COL24A1: variants seen among roughly 807,000 people sequenced by gnomAD.
COL24A1 encodes collagen type XXIV alpha 1 chain.
A neutral mutation model predicts 253.9 loss-of-function variants in COL24A1; 224 were observed. That is an observed-to-expected ratio of 0.88 (90% CI 0.79 to 0.99). The LOEUF is 0.99. COL24A1 is among the 50% of genes least tolerant of loss of function. COL24A1 has a pLI of 0.00. For synonymous variants in COL24A1, 685 were observed against 673.7 expected (o/e 1.02, Z -0.26); for missense variants, 2,131 against 2,068.5 (o/e 1.03, Z -0.59).
At chr1:85,812,089 A>C (rs1198311875) in intron 47 of COL24A1, among the ~76,000 whole-genome samples, 1 of 130,086 alleles carries the variant, frequency 7.7e-6, no homozygotes, top group African/African-American at 2.8e-5. Context: ...CTGGAATGTC[A>C]AATGGCTACG....
At chr1:86,047,975 A>G (rs1390035330) in intron 11 of COL24A1, among the ~76,000 whole-genome samples, 1 of 152,178 alleles carries the variant, frequency 6.6e-6, no homozygotes, top group Non-Finnish European at 1.5e-5. Flanking sequence ...CAGTGTTTAA[A>G]AAATACTCAT....
At chr1:85,950,924 C>G (rs1466357879) in intron 24 of COL24A1, among the ~76,000 whole-genome samples, 2 of 152,188 alleles carry the variant, frequency 1.3e-5, no homozygotes, top group Non-Finnish European at 1.5e-5. Context: ...TGTGCCTTAC[C>G]TACCTCCAGC....
At chr1:85,778,003 A>G (rs999111540) in intron 52 of COL24A1, among the ~76,000 whole-genome samples, 3 of 142,614 alleles carry the variant, frequency 2.1e-5, no homozygotes, top group Non-Finnish European at 4.6e-5. Flanking sequence ...CTCTTGGTAT[A>G]TGTGTGTATA....
chr1:86,001,805 C>T (rs1420762076), intron 19 of COL24A1, among the ~76,000 whole-genome samples: 1 of 152,086 alleles, frequency 6.6e-6, no homozygotes, highest in Non-Finnish European at 1.5e-5. Flanking sequence ...AAAAAAAGTT[C>T]TTCAACAATT....
intron 19 of COL24A1, among the ~76,000 whole-genome samples, chr1:85,988,646 T>C (rs1693953194): frequency 6.6e-6 from 1 of 152,080 alleles, no homozygotes; most frequent in South Asian, 2.1e-4. Context: ...AGGCTGAAAT[T>C]AAAACGTGAA....
chr1:85,923,471 T>C (rs1686782679), intron 24 of COL24A1, among the ~76,000 whole-genome samples: 1 of 152,116 alleles, frequency 6.6e-6, no homozygotes, highest in Non-Finnish European at 1.5e-5. Flanking sequence ...ATAAACTCTC[T>C]CTCAGACCAC....
chr1:85,888,427 A>G (rs894573536), intron 32 of COL24A1, among the ~76,000 whole-genome samples: 1 of 152,080 alleles, frequency 6.6e-6, no homozygotes, highest in Non-Finnish European at 1.5e-5. Flanking sequence ...TTCTATCCCT[A>G]TCTGGCACTT....
rs192097570 is a variant in COL24A1, at chr1:85,961,196, T to C, written c.2562+53A>G. ...GCAAACGTAATCATGGCTAATATGA[T>C]TCCTAAAAATGCTTACAGCTGATTA... On this transcript the variant is annotated intron_variant, in intron 24 of 59. Coordinates refer to ENST00000370571, the MANE Select transcript of COL24A1 (RefSeq NM_152890.7). 1,423 of 1,298,882 alleles carry C rather than the reference T, an allele frequency of 1.1e-3. 17 individuals are homozygous for C. The African/African-American group carries it at 0.019, about 17-fold the overall frequency. The allele number at this position is 1,298,882 out of a possible 1,614,324, so 80.5% of individuals were successfully genotyped here.
At chr1:86,047,665 G>T (rs1432117645) in intron 11 of COL24A1, among the ~76,000 whole-genome samples, 2 of 151,664 alleles carry the variant, frequency 1.3e-5, no homozygotes, top group African/African-American at 4.8e-5. Flanking sequence ...TATAAATAAA[G>T]AAGTTAATTC....
chr1:85,921,353 G>A (rs1265602797), intron 24 of COL24A1, among the ~76,000 whole-genome samples: 2 of 152,184 alleles, frequency 1.3e-5, no homozygotes, highest in South Asian at 2.1e-4. Context: ...GTCTGAGATC[G>A]ACCTGTGAGG....
intron 20 of COL24A1, among the ~76,000 whole-genome samples, chr1:85,986,498 T>TA (rs903696662): frequency 1.3e-5 from 2 of 151,866 alleles, no homozygotes; most frequent in Admixed American, 1.3e-4. Flanking sequence ...TTGAATGCTC[T>TA]ACGTAATTTA....
At chr1:85,779,940 T>G (rs1397722464) in intron 52 of COL24A1, among the ~76,000 whole-genome samples, 1 of 152,214 alleles carries the variant, frequency 6.6e-6, no homozygotes, top group Non-Finnish European at 1.5e-5. Flanking sequence ...AAGAACTATC[T>G]ATAAACAAAA....
chr1:86,090,628 A>G (rs775610701), intron 6 of COL24A1, among the ~76,000 whole-genome samples: 1 of 152,294 alleles, frequency 6.6e-6, no homozygotes, highest in South Asian at 2.1e-4. Flanking sequence ...ATTTATGTGT[A>G]TAACCAGTTT....
chr1:85,990,068 TA>T (rs1302356413), intron 19 of COL24A1, among the ~76,000 whole-genome samples: 2 of 152,182 alleles, frequency 1.3e-5, no homozygotes, highest in Non-Finnish European at 2.9e-5. Context: ...AGTAAGTGCT[TA>T]AAAAATGCTT....
At chr1:85,731,567 T>C (rs1052608572) in intron 59 of COL24A1, among the ~76,000 whole-genome samples, 12 of 152,240 alleles carry the variant, frequency 7.9e-5, no homozygotes, top group Non-Finnish European at 1.8e-4. Context: ...TTAAGTCTTT[T>C]AAGCAATATT....
chr1:86,073,953 A>G (rs1404333033), intron 7 of COL24A1, among the ~76,000 whole-genome samples: 4 of 151,056 alleles, frequency 2.6e-5, no homozygotes, highest in African/African-American at 9.7e-5. Flanking sequence ...CCTGCCTTAC[A>G]AGGAGGGAGC....
chr1:85,782,367 T>C (rs1027298450), intron 51 of COL24A1, among the ~76,000 whole-genome samples: 1 of 152,210 alleles, frequency 6.6e-6, no homozygotes, highest in African/African-American at 2.4e-5. Flanking sequence ...GGATTACAGG[T>C]GTGAGCCACT....
At chr1:85,986,828 T>C (rs989085501) in intron 20 of COL24A1, among the ~76,000 whole-genome samples, 1 of 151,870 alleles carries the variant, frequency 6.6e-6, no homozygotes, top group African/African-American at 2.4e-5. Flanking sequence ...CCATAGCAGC[T>C]ACATTTCATA....
chr1:86,025,470 C>T (rs1157594252), intron 14 of COL24A1, among the ~76,000 whole-genome samples: 1 of 152,172 alleles, frequency 6.6e-6, no homozygotes. Context: ...CCACATGGTG[C>T]TTTTAAATCA....
Sources: allele counts gnomAD v4.1 joint callset (sites outside exome capture counted in the v4.1 genomes callset), GRCh38; gene constraint gnomAD v4.1.1; transcripts MANE v1.5; gene names NCBI Gene and HGNC (gene_info 2026-07-23, HGNC 2026-07-21).